CBFA2T2: variants seen among roughly 807,000 people sequenced by gnomAD.
The protein encoded by CBFA2T2 is CBFA2/RUNX1 partner transcriptional co-repressor 2.
Under a neutral mutation model 62.2 loss-of-function variants are expected in CBFA2T2, and 11 were observed. The ratio of observed to expected loss-of-function variants is 0.18; its 90% CI spans 0.11 to 0.29. The LOEUF is 0.29. CBFA2T2 is among the 10% of genes least tolerant of loss of function. The pLI is 1.00. For missense variants in CBFA2T2, 592 were observed against 774.1 expected, an observed-to-expected ratio of 0.76 and a Z score of 2.79; for synonymous variants, 295 against 287.5, an observed-to-expected ratio of 1.03 and a Z score of -0.27.
rs73119154 is a variant in CBFA2T2, at chr20:33,569,330, G to A, written c.35-37626G>A. On this transcript the variant is annotated intron_variant, in intron 1 of 10. Coordinates refer to ENST00000342704, the MANE Select transcript of CBFA2T2 (RefSeq NM_001032999.3). The stretch of plus-strand genomic sequence containing the variant: ...AAATGCTTTAATTTTGCATTATTTT[G>A]TTGTTTGTTCTCTGTGTTTACACAA... 4.9e-3 allele frequency among the ~76,000 whole-genome samples: 741 copies of A among 152,260 alleles called. 3 individuals are homozygous for A. The highest frequency in any genetic ancestry group is 8.1e-3 in the Non-Finnish European group (551 of 68,016).
intron 3 of CBFA2T2, among the ~76,000 whole-genome samples, chr20:33,611,589 C>A (rs2015531381): frequency 6.6e-6 from 1 of 152,052 alleles, no homozygotes; most frequent in South Asian, 2.1e-4. Context: ...GAACACAGCT[C>A]ACTTCAGCCT....
intron 1 of CBFA2T2, among the ~76,000 whole-genome samples, chr20:33,539,009 A>G (rs2012340113): frequency 6.6e-6 from 1 of 152,194 alleles, no homozygotes; most frequent in African/African-American, 2.4e-5. Context: ...TTGGGATCAA[A>G]TATTTCTTCC....
rs1477629277 is a variant in CBFA2T2 at position 33,649,691 on chromosome 20, A to G, written c.*5045A>G. 1 of 152,362 alleles carries G rather than the reference A, an allele frequency of 6.6e-6. No individual in the cohort carries two copies. Among genetic ancestry groups the G allele is most frequent in the African/African-American group, 2.4e-5 (1 of 41,480 alleles). The allele number at this position is 152,362 out of a possible 1,614,324, so 9.4% of individuals were successfully genotyped here. A position where few individuals can be genotyped will look rare whatever the true frequency, so the allele number is the denominator to read the frequency against. ...AATAAGCATTAGGCGAATGATTGAA[A>G]GGGCTGCTGCGCCAAGAGGCCTTCA... On this transcript the variant is annotated 3_prime_UTR_variant, in exon 11 of 11. Coordinates refer to ENST00000342704, the MANE Select transcript of CBFA2T2 (RefSeq NM_001032999.3).
chr20:33,492,947 A>G (rs2011159284), intron 1 of CBFA2T2, among the ~76,000 whole-genome samples: 1 of 151,452 alleles, frequency 6.6e-6, no homozygotes, highest in African/African-American at 2.4e-5. Context: ...TTTTTTGTAG[A>G]GACGGGGTTT....
rs869281966 is a variant in CBFA2T2, at chr20:33,501,630, C to CTTTTTTTTTTT, written c.34+11347_34+11357dup. On this transcript the variant is annotated intron_variant, in intron 1 of 10. Coordinates refer to ENST00000342704, the MANE Select transcript of CBFA2T2 (RefSeq NM_001032999.3). Reference sequence around the variant, plus strand: ...AGTTGAAACTATATTCTTAGCCTTCCTTTTTTTTTTTTTTTTTTTTTTTTT... The same window carrying CTTTTTTTTTTT: ...AGTTGAAACTATATTCTTAGCCTTCCTTTTTTTTTTTTTTTTTTTTTTTTTTTTTTTTTTTT... Among the ~76,000 whole-genome samples, 43 of 63,262 alleles carry CTTTTTTTTTTT rather than the reference C, an allele frequency of 6.8e-4. 10 individuals are homozygous for CTTTTTTTTTTT. Among genetic ancestry groups the CTTTTTTTTTTT allele is most frequent in the African/African-American group, 1.5e-3 (21 of 14,136 alleles). 41.5% of individuals were successfully genotyped at this position (63,262 alleles called of 152,430 possible). A position where few individuals can be genotyped will look rare whatever the true frequency, so the allele number is the denominator to read the frequency against.
At chr20:33,607,737 A>G (rs1409983731) in intron 2 of CBFA2T2, among the ~76,000 whole-genome samples, 1 of 152,080 alleles carries the variant, frequency 6.6e-6, no homozygotes, top group Non-Finnish European at 1.5e-5. Context: ...TGGATTAGGG[A>G]CTACTCATAA....
At position 33,645,465 on chromosome 20, in the gene CBFA2T2, A is replaced by G. The variant is rs2017020155; in HGVS notation, c.*819A>G. Reference sequence around the variant, plus strand: ...TTTTCTCTGAGCATGTTGGCCAACTAGTATCGTCAAATTATTGAGTGGATC... The same window carrying G: ...TTTTCTCTGAGCATGTTGGCCAACTGGTATCGTCAAATTATTGAGTGGATC... On this transcript the variant is annotated 3_prime_UTR_variant, in exon 11 of 11. Coordinates refer to ENST00000342704, the MANE Select transcript of CBFA2T2 (RefSeq NM_001032999.3). 1.3e-5 allele frequency: 2 copies of G among 152,188 alleles called. No homozygotes were observed. Among genetic ancestry groups the G allele is most frequent in the South Asian group, 2.1e-4 (1 of 4,838 alleles). 9.4% of individuals were successfully genotyped at this position (152,188 alleles called of 1,614,324 possible).
chr20:33,589,674 G>A (rs917092010), intron 1 of CBFA2T2, among the ~76,000 whole-genome samples: 6 of 152,224 alleles, frequency 3.9e-5, no homozygotes, highest in Non-Finnish European at 5.9e-5. Flanking sequence ...CTTTGAGGAG[G>A]AAATATCCCC....
intron 1 of CBFA2T2, among the ~76,000 whole-genome samples, chr20:33,581,049 T>C (rs997107223): frequency 1.4e-5 from 2 of 144,650 alleles, no homozygotes; most frequent in African/African-American, 5.0e-5. Flanking sequence ...ATCCATCCCG[T>C]CCCTCCTTCT....
At chr20:33,528,819 G>A (rs998522727) in intron 1 of CBFA2T2, among the ~76,000 whole-genome samples, 4 of 152,116 alleles carry the variant, frequency 2.6e-5, no homozygotes, top group Non-Finnish European at 4.4e-5. Flanking sequence ...GATTACAGGC[G>A]TAAGCCACTG....
At chr20:33,590,645 C>G (rs1248459331) in intron 1 of CBFA2T2, among the ~76,000 whole-genome samples, 2 of 152,056 alleles carry the variant, frequency 1.3e-5, no homozygotes, top group Non-Finnish European at 2.9e-5. Context: ...GCTAGAAGTT[C>G]CTTCACAGAA....
intron 1 of CBFA2T2, among the ~76,000 whole-genome samples, chr20:33,507,356 G>A (rs953118090): frequency 1.3e-5 from 2 of 152,136 alleles, no homozygotes; most frequent in Admixed American, 1.3e-4. Flanking sequence ...ATCCTACCAA[G>A]GATGGGCATC....
chr20:33,643,025 A>G (rs2016911187), intron 10 of CBFA2T2, among the ~76,000 whole-genome samples: 1 of 152,226 alleles, frequency 6.6e-6, no homozygotes. Context: ...ATGAGTTTGC[A>G]TTGGACCAAA....
intron 3 of CBFA2T2, among the ~76,000 whole-genome samples, chr20:33,616,008 C>G (rs959706006): frequency 6.6e-6 from 1 of 151,754 alleles, no homozygotes; most frequent in Non-Finnish European, 1.5e-5. Context: ...CCCAGGAGTT[C>G]GAGGCTGCCA....
At chr20:33,520,916 A>G (rs2011711749) in intron 1 of CBFA2T2, among the ~76,000 whole-genome samples, 1 of 151,278 alleles carries the variant, frequency 6.6e-6, no homozygotes. Context: ...ACGCGCACAC[A>G]CACACACATT....
chr20:33,532,475 C>A (rs570396665), intron 1 of CBFA2T2, among the ~76,000 whole-genome samples: 5 of 152,290 alleles, frequency 3.3e-5, no homozygotes, highest in African/African-American at 1.2e-4. Flanking sequence ...ATTTATGTTA[C>A]ATTTATAACA....
intron 2 of CBFA2T2, among the ~76,000 whole-genome samples, chr20:33,610,570 A>G (rs1283302741): frequency 6.6e-6 from 1 of 152,192 alleles, no homozygotes; most frequent in Admixed American, 6.6e-5. Flanking sequence ...ATGGCCAAAG[A>G]GATAGGTACC....
At chr20:33,623,677 C>G (rs1006487372) in intron 5 of CBFA2T2, 1 of 645,760 alleles carries the variant, frequency 1.5e-6, no homozygotes, top group African/African-American at 1.8e-5. Context: ...CCGCCTCAAC[C>G]TCCCAAAGTG....
In CBFA2T2 at chr20:33,643,825, A is replaced by ATGTGTGTGTG. The variant is rs58366038; in HGVS notation, c.1489-496_1489-487dup. On this transcript the variant is annotated intron_variant, in intron 10 of 10. Transcript: ENST00000342704. The stretch of plus-strand genomic sequence containing the variant: ...TATATATATATATATATAGTATATA[A>ATGTGTGTGTG]TGTGTGTGTGTGTGTGTGTGTGTGT... 8.9e-4 allele frequency among the ~76,000 whole-genome samples: 65 copies of ATGTGTGTGTG among 73,346 alleles called. 1 individual carries two copies. The highest frequency in any genetic ancestry group is 3.1e-3 in the African/African-American group (52 of 17,004). The allele number at this position is 73,346 out of a possible 152,430, so 48.1% of individuals were successfully genotyped here.
Sources: allele counts gnomAD v4.1 joint callset (sites outside exome capture counted in the v4.1 genomes callset), GRCh38; gene constraint gnomAD v4.1.1; transcripts MANE v1.5; gene names NCBI Gene and HGNC (gene_info 2026-07-23, HGNC 2026-07-21).